VPS35: variants seen among roughly 807,000 people sequenced by gnomAD.
VPS35 encodes the protein vacuolar protein sorting-associated protein 35.
In VPS35, 21 loss-of-function variants were observed where a neutral mutation model predicts 98.1. The observed-to-expected ratio is 0.21, with a 90% CI of 0.15 to 0.31. The LOEUF is 0.31. Among genes scored for constraint, VPS35 ranks in the 10% least tolerant of loss-of-function variants. VPS35 has a pLI of 1.00. For missense variants in VPS35, 554 were observed against 950.8 expected (o/e 0.58, Z 5.49); for synonymous variants, 268 against 318.2 (o/e 0.84, Z 1.68).
intron 1 of VPS35, among the ~76,000 whole-genome samples, chr16:46,687,950 A>G (rs1235936911): frequency 6.6e-6 from 1 of 152,230 alleles, no homozygotes; most frequent in African/African-American, 2.4e-5. Flanking sequence ...ATACATCCTC[A>G]ATTAAGTGTT....
At chr16:46,680,558 G>T in intron 5 of VPS35, 113 bp downstream of exon 5, 1 of 1,147,276 alleles carries the variant, frequency 8.7e-7, no homozygotes, top group Non-Finnish European at 1.3e-6. Context: ...TACCTAAATG[G>T]CTGACTGGGT....
chr16:46,666,028 C>T (rs972160566), intron 13 of VPS35, among the ~76,000 whole-genome samples: 7 of 152,018 alleles, frequency 4.6e-5, no homozygotes, highest in Non-Finnish European at 7.4e-5. Context: ...CTCAGCTTCC[C>T]AAGTAGCTGG....
Position 46,663,059 on chromosome 16 carries a change from A to G in VPS35, c.1751T>C (p.Phe584Ser). 1 of 1,614,226 alleles carries G rather than the reference A, an allele frequency of 6.2e-7. No homozygotes were observed. Among genetic ancestry groups the G allele is most frequent in the Non-Finnish European group, 8.5e-7 (1 of 1,180,032 alleles). The stretch of plus-strand genomic sequence containing the variant: ...CCCAGCAGCTAGTGCTCCTTGAAGA[A>G]AAAGTCTTAAGGGCAATTCTGCCAG... ...AELAELPLRL[F>S]LQGALAAGEI... Residue 584 changes from phenylalanine (F) to serine (S), a missense_variant, in exon 14 of 17, where the codon TTT (phenylalanine) becomes TCT (serine). Physicochemically the swap from Phe to Ser is radical, Grantham distance 155 (BLOSUM62 -2). Around this residue, in one of 5 missense-constraint regions of VPS35, gnomAD observed 254 missense variants for 390.1 expected, o/e 0.65. Transcript: ENST00000299138.
chr16:46,667,546 A>G (rs1431656327), intron 13 of VPS35, among the ~76,000 whole-genome samples: 2 of 151,780 alleles, frequency 1.3e-5, no homozygotes, highest in African/African-American at 4.8e-5. Flanking sequence ...TTTTTTGCTT[A>G]TTTTTAAACT....
chr16:46,667,356 T>C (rs1015100574), intron 13 of VPS35, among the ~76,000 whole-genome samples: 7 of 152,198 alleles, frequency 4.6e-5, no homozygotes, highest in Non-Finnish European at 7.3e-5. Context: ...ATTTTAGATA[T>C]TGACCACTTT....
rs141293466 is a variant in VPS35 at position 46,670,647 on chromosome 16, A to G, written c.1524+1058T>C. ...ATAGAAAATGAAAACACACAGATACAAACAATCTCACACAGAAACATAAGG... is the reference window on the plus strand; with the variant it reads ...ATAGAAAATGAAAACACACAGATACGAACAATCTCACACAGAAACATAAGG... On this transcript the variant is annotated intron_variant, in intron 12 of 16. Transcript: ENST00000299138. Among the ~76,000 whole-genome samples the G allele has an allele frequency of 2.6e-3, 391 of 152,332 alleles. 1 individual carries two copies. The highest frequency in any genetic ancestry group is 0.01 in the Middle Eastern group (3 of 294).
chr16:46,686,924 T>C (rs1316781096), intron 1 of VPS35, among the ~76,000 whole-genome samples: 1 of 152,220 alleles, frequency 6.6e-6, no homozygotes, highest in African/African-American at 2.4e-5. Flanking sequence ...GCAAAGATCA[T>C]GAACTGATCA....
chr16:46,680,951 G>A, intron 4 of VPS35, 98 bp from the exon 5 acceptor site: 1 of 1,300,560 alleles, frequency 7.7e-7, no homozygotes, highest in Admixed American at 1.9e-5. Context: ...AAACAAGACA[G>A]GAACCATGTT....
chr16:46,666,986 A>T (rs1024196786), intron 13 of VPS35, among the ~76,000 whole-genome samples: 1 of 152,244 alleles, frequency 6.6e-6, no homozygotes, highest in African/African-American at 2.4e-5. Flanking sequence ...GCATAACTAG[A>T]TGTGGGACTG....
At chr16:46,686,425 T>C (rs1966316339) in intron 1 of VPS35, among the ~76,000 whole-genome samples, 1 of 152,200 alleles carries the variant, frequency 6.6e-6, no homozygotes, top group African/African-American at 2.4e-5. Context: ...GATTTAGAGA[T>C]GTGTAAACAA....
In VPS35 at chr16:46,661,060, T is replaced by C; in HGVS notation, c.2212-409A>G. 1 of 318,170 alleles carries C rather than the reference T, an allele frequency of 3.1e-6. No homozygotes were observed. Among genetic ancestry groups the C allele is most frequent in the Non-Finnish European group, 6.1e-6 (1 of 162,810 alleles). The allele number at this position is 318,170 out of a possible 1,614,324, so 19.7% of individuals were successfully genotyped here. A position where few individuals can be genotyped will look rare whatever the true frequency, so the allele number is the denominator to read the frequency against. ...TATTCAGGAGGCTGAGGCATGAGAA[T>C]TGCTTGAACCTGGGAGGCAGAGGTT... On this transcript the variant is annotated intron_variant, in intron 16 of 16. Transcript: ENST00000299138. This position sits in a 1 kb window ranked among gnomAD's most constrained non-coding sequence, Gnocchi z 4.3.
chr16:46,661,549 G>A lies in VPS35; in HGVS notation c.2211+169C>T. The A allele has an allele frequency of 2.8e-6, 2 of 712,756 alleles. No individual in the cohort carries two copies. The highest frequency in any genetic ancestry group is 4.5e-6 in the Non-Finnish European group (2 of 445,404). The allele number at this position is 712,756 out of a possible 1,614,324, so 44.2% of individuals were successfully genotyped here. A position where few individuals can be genotyped will look rare whatever the true frequency, so the allele number is the denominator to read the frequency against. ...CCAGCCTAGGAATTATCTTAAACTA[G>A]AACATTATGACAAATTAGCCTATTA... On this transcript the variant is annotated intron_variant, in intron 16 of 16. Transcript: ENST00000299138. This position sits in a 1 kb window ranked among gnomAD's most constrained non-coding sequence, Gnocchi z 4.3.
chr16:46,679,575 AAAAAC>A (rs1256782451), intron 5 of VPS35, among the ~76,000 whole-genome samples: 1 of 152,208 alleles, frequency 6.6e-6, no homozygotes, highest in African/African-American at 2.4e-5. Flanking sequence ...AACCAAAAAC[AAAAAC>A]AAAAGGCTAA....
At chr16:46,668,225 T>G (rs376220531) in intron 13 of VPS35, among the ~76,000 whole-genome samples, 1 of 152,038 alleles carries the variant, frequency 6.6e-6, no homozygotes, top group African/African-American at 2.4e-5. Flanking sequence ...CAAGACCCTG[T>G]CTCTACTAAA....
Position 46,671,692 on chromosome 16 carries a change from G to A in VPS35, c.1524+13C>T, listed in dbSNP as rs1966071195. The A allele has an allele frequency of 3.1e-6, 5 of 1,613,892 alleles. No individual in the cohort carries two copies. In the African/African-American group the frequency reaches 6.7e-5, roughly 22 times the overall value. On this transcript the variant is annotated intron_variant, in intron 12 of 16. Transcript: ENST00000299138. ...GGAGCTGATACAGGGATATACTAAGGGTAAACTCATACCAAGTACTGCTGG... is the reference window on the plus strand; with the variant it reads ...GGAGCTGATACAGGGATATACTAAGAGTAAACTCATACCAAGTACTGCTGG...
chr16:46,667,944 G>C (rs1167073368), intron 13 of VPS35, among the ~76,000 whole-genome samples: 1 of 152,110 alleles, frequency 6.6e-6, no homozygotes, highest in Admixed American at 6.5e-5. Flanking sequence ...TGTAATGTAG[G>C]CTGGTTGCTA....
At chr16:46,683,098 A>T (rs1966258526) in intron 2 of VPS35, 1 of 172,666 alleles carries the variant, frequency 5.8e-6, no homozygotes, top group Non-Finnish European at 1.3e-5. Flanking sequence ...AATAATTCAA[A>T]TGCAAAGCAT....
chr16:46,686,043 T>C (rs1480139704), intron 1 of VPS35, among the ~76,000 whole-genome samples: 2 of 152,122 alleles, frequency 1.3e-5, no homozygotes, highest in Non-Finnish European at 2.9e-5. Flanking sequence ...ACTGTAGCCA[T>C]TAAACTCCCA....
At position 46,658,472 on chromosome 16, in the gene VPS35, T is replaced by A. The variant is rs1302114576; in HGVS notation, c.*2000A>T. 1.3e-5 allele frequency: 2 copies of A among 153,814 alleles called. No homozygotes were observed. Among genetic ancestry groups the A allele is most frequent in the African/African-American group, 4.8e-5 (2 of 41,468 alleles). The allele number at this position is 153,814 out of a possible 1,614,324, so 9.5% of individuals were successfully genotyped here. On this transcript the variant is annotated 3_prime_UTR_variant, in exon 17 of 17. Transcript: ENST00000299138. The stretch of plus-strand genomic sequence containing the variant: ...GCAGTGCTTTTGTTTCACTTTTATT[T>A]ACTTTTGTTGGTTTATTATTTTTAA...
Sources: allele counts gnomAD v4.1 joint callset (sites outside exome capture counted in the v4.1 genomes callset), GRCh38; gene constraint gnomAD v4.1.1; regional missense constraint gnomAD v4.1.1; non-coding constraint Gnocchi (gnomAD v3.1); transcripts MANE v1.5; gene names NCBI Gene and HGNC (gene_info 2026-07-23, HGNC 2026-07-21).